AKAP13: variants seen among roughly 807,000 people sequenced by gnomAD.
The protein encoded by AKAP13 is A-kinase anchoring protein 13.
A neutral mutation model predicts 264.5 loss-of-function variants in AKAP13; 80 were observed. That is an observed-to-expected ratio of 0.30 (90% CI 0.25 to 0.36). The LOEUF is 0.36. AKAP13 is among the 10% of genes least tolerant of loss of function. The pLI, the probability that AKAP13 is intolerant of heterozygous loss-of-function variation, is 1.00. For synonymous variants in AKAP13, 1,380 were observed against 1,250.2 expected (o/e 1.10, Z -2.19); for missense variants, 3,712 against 3,435.2 (o/e 1.08, Z -2.01).
At chr15:85,522,573 C>G (rs1320021059) in intron 3 of AKAP13, among the ~76,000 whole-genome samples, 1 of 152,128 alleles carries the variant, frequency 6.6e-6, no homozygotes, top group Non-Finnish European at 1.5e-5. Flanking sequence ...CAGCCTGGAG[C>G]TCTAAGTTTG....
chr15:85,381,125 G>T (rs2070218324), intron 1 of AKAP13, among the ~76,000 whole-genome samples: 1 of 152,096 alleles, frequency 6.6e-6, no homozygotes, highest in African/African-American at 2.4e-5. Flanking sequence ...GCTACCTCAG[G>T]CGCTCCGCCC....
Position 85,633,370 on chromosome 15 carries a change from G to GC in AKAP13, c.4162-6004_4162-6003insC, listed in dbSNP as rs1033560958. 9.2e-4 allele frequency among the ~76,000 whole-genome samples: 80 copies of GC among 87,230 alleles called. 1 individual carries two copies. Among genetic ancestry groups the GC allele is most frequent in the Admixed American group, 2.3e-3 (19 of 8,126 alleles). The allele number at this position is 87,230 out of a possible 152,430, so 57.2% of individuals were successfully genotyped here. A position where few individuals can be genotyped will look rare whatever the true frequency, so the allele number is the denominator to read the frequency against. On this transcript the variant is annotated intron_variant, in intron 8 of 36. Transcript: ENST00000394518. The stretch of plus-strand genomic sequence containing the variant: ...TCTTATTACAGGAATAATAGGGGCG[G>GC]GGGGGGAGTAATTTTTTCCCTTCCA...
In AKAP13 at chr15:85,693,254, G is replaced by C. The variant is rs775098614; in HGVS notation, c.5290-23G>C. 1.2e-5 allele frequency: 19 copies of C among 1,581,756 alleles called. No individual in the cohort carries two copies. The South Asian group carries it at 1.9e-4, about 16-fold the overall frequency. ...GCCCTCCAGTGTTCAATTAACTGTG[G>C]ATTATTTTCTTTTCTTCGGCAGGAA... On this transcript the variant is annotated intron_variant, in intron 16 of 36. Transcript: ENST00000394518.
intron 1 of AKAP13, among the ~76,000 whole-genome samples, chr15:85,456,829 C>T (rs959779467): frequency 1.3e-5 from 2 of 152,174 alleles, no homozygotes; most frequent in African/African-American, 4.8e-5. Flanking sequence ...CAACATGGGT[C>T]TACTCATCTC....
intron 1 of AKAP13, among the ~76,000 whole-genome samples, chr15:85,473,453 A>T (rs2075040219): frequency 6.6e-6 from 1 of 152,258 alleles, no homozygotes; most frequent in African/African-American, 2.4e-5. Flanking sequence ...AAAAAGTCCA[A>T]ATAAACCCTC....
At chr15:85,403,553 A>G (rs752554032) in intron 1 of AKAP13, among the ~76,000 whole-genome samples, 1 of 152,084 alleles carries the variant, frequency 6.6e-6, no homozygotes, top group African/African-American at 2.4e-5. Flanking sequence ...TTAAAAGCTG[A>G]TGTGAGGTCG....
intron 5 of AKAP13, among the ~76,000 whole-genome samples, chr15:85,553,667 T>C (rs372162968): frequency 6.6e-6 from 1 of 152,158 alleles, no homozygotes; most frequent in South Asian, 2.1e-4. Context: ...ATAAGGAGAT[T>C]TGTACTTTAA....
At chr15:85,732,024 A>G (rs752357858) in intron 30 of AKAP13, among the ~76,000 whole-genome samples, 4 of 146,658 alleles carry the variant, frequency 2.7e-5, no homozygotes, top group Non-Finnish European at 6.0e-5. Context: ...CAGAGGTTGT[A>G]GTGAGCTGAG....
At chr15:85,529,166 A>G (rs541941952) in intron 3 of AKAP13, among the ~76,000 whole-genome samples, 1 of 152,284 alleles carries the variant, frequency 6.6e-6, no homozygotes, top group South Asian at 2.1e-4. Flanking sequence ...TGTAAGGTGT[A>G]ATCCCAGCAT....
intron 1 of AKAP13, among the ~76,000 whole-genome samples, chr15:85,436,604 TATAAC>T (rs2093968031): frequency 7.0e-6 from 1 of 142,234 alleles, no homozygotes; most frequent in Non-Finnish European, 1.6e-5. Context: ...GAACAGAAAT[TATAAC>T]AAACTATCTC....
rs775633897 is a variant in AKAP13, at chr15:85,380,651, G to C, written c.-159G>C. The stretch of plus-strand genomic sequence containing the variant: ...CGAGCAGCCGCGGTGAAGCGCCTGT[G>C]CTCTGCCGAGACTGCCGTGCCCATT... On this transcript the variant is annotated 5_prime_UTR_variant, in exon 1 of 37. Coordinates refer to ENST00000394518, the MANE Select transcript of AKAP13 (RefSeq NM_007200.5). 4 of 152,122 alleles carry C rather than the reference G, an allele frequency of 2.6e-5. No homozygotes were observed. The highest frequency in any genetic ancestry group is 4.8e-5 in the African/African-American group (2 of 41,354). 9.4% of individuals were successfully genotyped at this position (152,122 alleles called of 1,614,324 possible). A position where few individuals can be genotyped will look rare whatever the true frequency, so the allele number is the denominator to read the frequency against.
In AKAP13 at chr15:85,380,613, C is replaced by T. The variant is rs941934017; in HGVS notation, c.-197C>T. ...GCGCGGACTGGAGCTGTGTGCAGGGCCAGCGCGGAGCCCGAGCAGCCGCGG... is the reference window on the plus strand; with the variant it reads ...GCGCGGACTGGAGCTGTGTGCAGGGTCAGCGCGGAGCCCGAGCAGCCGCGG... On this transcript the variant is annotated 5_prime_UTR_variant, in exon 1 of 37. Transcript: ENST00000394518. The T allele has an allele frequency of 7.8e-6, 1 of 127,840 alleles. No individual in the cohort carries two copies. Among genetic ancestry groups the T allele is most frequent in the African/African-American group, 2.9e-5 (1 of 34,262 alleles). The allele number at this position is 127,840 out of a possible 1,614,324, so 7.9% of individuals were successfully genotyped here.
At chr15:85,521,962 AAAG>A (rs2076838400) in intron 3 of AKAP13, among the ~76,000 whole-genome samples, 1 of 152,196 alleles carries the variant, frequency 6.6e-6, no homozygotes, top group Non-Finnish European at 1.5e-5. Flanking sequence ...ACAGGGAATA[AAAG>A]AAGGTAGTCA....
rs538350348 is a variant in AKAP13 at position 85,745,034 on chromosome 15, G to A, written c.*357G>A. 28 of 204,812 alleles carry A rather than the reference G, an allele frequency of 1.4e-4. No individual in the cohort carries two copies. Among genetic ancestry groups the A allele is most frequent in the African/African-American group, 5.6e-4 (24 of 43,136 alleles). 12.7% of individuals were successfully genotyped at this position (204,812 alleles called of 1,614,324 possible). ...GTATCCAAGTAAGGTCTGAACCTCCGAATGCCTTTTATTTGGGGGAACACA... is the reference window on the plus strand; with the variant it reads ...GTATCCAAGTAAGGTCTGAACCTCCAAATGCCTTTTATTTGGGGGAACACA... On this transcript the variant is annotated 3_prime_UTR_variant, in exon 37 of 37. Transcript: ENST00000394518.
chr15:85,628,897 TATAAGA>T (rs2081560714), intron 8 of AKAP13, among the ~76,000 whole-genome samples: 1 of 152,134 alleles, frequency 6.6e-6, no homozygotes, highest in South Asian at 2.1e-4. Context: ...CTAAGACAAA[TATAAGA>T]ATAAGAAGAG....
At chr15:85,625,178 C>G (rs1012138351) in intron 8 of AKAP13, among the ~76,000 whole-genome samples, 15 of 152,168 alleles carry the variant, frequency 9.9e-5, no homozygotes, top group African/African-American at 3.6e-4. Context: ...CAGCTACTTG[C>G]TTCTCTACAT....
At position 85,724,236 on chromosome 15, in the gene AKAP13, A is replaced by G. The variant is rs2087469549; in HGVS notation, c.6745+916A>G. On this transcript the variant is annotated intron_variant, in intron 26 of 36. Transcript: ENST00000394518. The surrounding 1 kb of genome is among the most constrained non-coding windows in gnomAD (Gnocchi z 4.2). ...ATGCCCACGCATAGAACAAATGGTA[A>G]AGAAGTTCCAGGCAGTCAGCTGGTT... Among the ~76,000 whole-genome samples, 1 of 152,194 alleles carries G rather than the reference A, an allele frequency of 6.6e-6. No homozygotes were observed. Among genetic ancestry groups the G allele is most frequent in the Non-Finnish European group, 1.5e-5 (1 of 68,022 alleles).
intron 8 of AKAP13, among the ~76,000 whole-genome samples, chr15:85,605,105 C>T (rs372972599): frequency 3.2e-5 from 4 of 124,656 alleles, no homozygotes; most frequent in African/African-American, 1.2e-4. Flanking sequence ...TAAACTATTC[C>T]CGACAGTCAG....
At chr15:85,445,710 C>A (rs1451651380) in intron 1 of AKAP13, among the ~76,000 whole-genome samples, 1 of 101,676 alleles carries the variant, frequency 9.8e-6, no homozygotes, top group Non-Finnish European at 2.1e-5. Context: ...TTAATTAAGG[C>A]ACAAACAGAG....
Sources: allele counts gnomAD v4.1 joint callset (sites outside exome capture counted in the v4.1 genomes callset), GRCh38; gene constraint gnomAD v4.1.1; non-coding constraint Gnocchi (gnomAD v3.1); transcripts MANE v1.5; gene names NCBI Gene and HGNC (gene_info 2026-07-23, HGNC 2026-07-21).